The following DEPDC5 variants were observed in gnomAD, a reference collection of about 807,000 sequenced individuals.
DEPDC5 encodes the protein DEP domain containing 5, GATOR1 subcomplex subunit.
DEPDC5 carries 73 observed loss-of-function variants against 217.3 expected under a neutral mutation model. That is an observed-to-expected ratio of 0.34 (90% CI 0.28 to 0.41). The LOEUF (loss-of-function observed/expected upper bound fraction) is 0.41. Ranked by LOEUF, DEPDC5 falls within the 10% of genes least tolerant of loss-of-function variation. The pLI, the probability that DEPDC5 is intolerant of heterozygous loss-of-function variation, is 1.00. For synonymous variants in DEPDC5, 733 were observed against 756.7 expected (o/e 0.97, Z 0.51); for missense variants, 1,675 against 2,070.1 (o/e 0.81, Z 3.70).
At chr22:31,837,261 A>G (rs1387544959) in intron 26 of DEPDC5, 106 bp downstream of exon 26, 3 of 1,241,178 alleles carry the variant, frequency 2.4e-6, no homozygotes, top group Admixed American at 2.5e-5. Flanking sequence ...CAACACATAT[A>G]TTAAAATTGG....
At chr22:31,766,928 T>C (rs767356881) in intron 6 of DEPDC5, among the ~76,000 whole-genome samples, 26 of 152,168 alleles carry the variant, frequency 1.7e-4, no homozygotes, top group South Asian at 4.1e-4. Context: ...AACCGTACTT[T>C]TCAGGTTTTC....
At chr22:31,792,605 CAAAAAAAAAAAAAAAA>C in intron 11 of DEPDC5, 124 bp from the exon 12 acceptor site, 3 of 152,162 alleles carry the variant, frequency 2.0e-5, no homozygotes, top group South Asian at 1.3e-4. Flanking sequence ...GACCTTGTCT[CAAAAAAAAAAAAAAAA>C]AAAAAAAAAA....
Position 31,843,729 on chromosome 22 carries a change from G to A in DEPDC5, c.2718G>A (p.Val906=). 2 of 1,614,028 alleles carry A rather than the reference G, an allele frequency of 1.2e-6. No homozygotes were observed. The highest frequency in any genetic ancestry group is 3.3e-4 in the Middle Eastern group (2 of 6,044). Residue 906 remains valine (V), a synonymous_variant, in exon 29 of 43, where the codon GTG becomes GTA. Transcript: ENST00000651528. ...ACTCAGAGTTCGTCTCCTGCTGGGTGGAATTCTCCCACGAACGGCTGGAGG... is the reference window on the plus strand; with the variant it reads ...ACTCAGAGTTCGTCTCCTGCTGGGTAGAATTCTCCCACGAACGGCTGGAGG... ...HSDSEFVSCW[V]EFSHERLEEY...
intron 40 of DEPDC5, 108 bp from the exon 41 acceptor site, chr22:31,901,634 C>T (rs1054333802): frequency 2.2e-5 from 21 of 935,616 alleles, no homozygotes; most frequent in Non-Finnish European, 3.5e-5. Context: ...AGAGGTTAGG[C>T]TCAAGGGGAC....
At chr22:31,757,287 A>G (rs568015819) in intron 2 of DEPDC5, 154 of 152,280 alleles carry the variant, frequency 1.0e-3, no homozygotes, top group African/African-American at 3.6e-3. Flanking sequence ...GTTCCAGACT[A>G]TAGTACATTA....
At chr22:31,863,447 G>A (rs185947246) in intron 33 of DEPDC5, among the ~76,000 whole-genome samples, 115 of 152,270 alleles carry the variant, frequency 7.6e-4, no homozygotes, top group African/African-American at 2.7e-3. Flanking sequence ...GATTACAGGC[G>A]TGAGCCATTG....
At chr22:31,778,869 A>G (rs2084147909) in intron 8 of DEPDC5, among the ~76,000 whole-genome samples, 1 of 152,142 alleles carries the variant, frequency 6.6e-6, no homozygotes, top group African/African-American at 2.4e-5. Flanking sequence ...TGCTCCCTTC[A>G]GGGGTCTTTT....
chr22:31,862,855 G>T (rs1368504858), intron 33 of DEPDC5, among the ~76,000 whole-genome samples: 3 of 152,184 alleles, frequency 2.0e-5, no homozygotes, highest in Admixed American at 2.0e-4. Context: ...CTGAGTGTGG[G>T]TAGCACACTG....
At chr22:31,865,250 A>G (rs1041882789) in intron 33 of DEPDC5, among the ~76,000 whole-genome samples, 1 of 152,140 alleles carries the variant, frequency 6.6e-6, no homozygotes, top group Admixed American at 6.5e-5. Context: ...CAGCACTTTG[A>G]GAGGTGGAGG....
At chr22:31,885,459 C>T (rs1168232449) in intron 38 of DEPDC5, among the ~76,000 whole-genome samples, 1 of 152,238 alleles carries the variant, frequency 6.6e-6, no homozygotes, top group African/African-American at 2.4e-5. Flanking sequence ...GGCGCGGTGG[C>T]TCACGCCTGT....
chr22:31,870,943 G>A (rs1342975672), intron 34 of DEPDC5, among the ~76,000 whole-genome samples, 199 bp downstream of exon 34: 2 of 152,238 alleles, frequency 1.3e-5, no homozygotes, highest in Non-Finnish European at 2.9e-5. Context: ...TCACAGGATA[G>A]CTAAGAGGTT....
At chr22:31,844,370 G>A (rs2091588631) in intron 29 of DEPDC5, among the ~76,000 whole-genome samples, 1 of 152,084 alleles carries the variant, frequency 6.6e-6, no homozygotes, top group South Asian at 2.1e-4. Context: ...CCCTAGCCTG[G>A]GCAACACAGC....
At chr22:31,845,352 G>T (rs1015150501) in intron 30 of DEPDC5, 115 bp downstream of exon 30, 9 of 1,341,462 alleles carry the variant, frequency 6.7e-6, no homozygotes, top group Admixed American at 2.3e-5. Flanking sequence ...GCTGCCCAGT[G>T]TTTACCTTAA....
chr22:31,871,183 G>A (rs1238741897), intron 34 of DEPDC5, among the ~76,000 whole-genome samples: 2 of 152,210 alleles, frequency 1.3e-5, no homozygotes, highest in Non-Finnish European at 1.5e-5. Context: ...GAAGCTGTGT[G>A]TACTTCATTT....
At chr22:31,794,605 C>T (rs1601897576) in intron 12 of DEPDC5, among the ~76,000 whole-genome samples, 1 of 152,144 alleles carries the variant, frequency 6.6e-6, no homozygotes. Flanking sequence ...ACAAAATAGG[C>T]CAGGCGTGGT....
Position 31,766,648 on chromosome 22 carries a change from T to A in DEPDC5, c.343T>A (p.Trp115Arg). 1 of 1,613,768 alleles carries A rather than the reference T, an allele frequency of 6.2e-7. No individual in the cohort carries two copies. Among genetic ancestry groups the A allele is most frequent in the Non-Finnish European group, 8.5e-7 (1 of 1,179,926 alleles). The part of the protein sequence containing the change: ...KDQYIGRGDM[W>R]RLKKSLVSTC... The stretch of plus-strand genomic sequence containing the variant: ...TCAGTATATTGGCCGTGGGGATATG[T>A]GGCGACTAAAGAAAAGTTTGGTAAG... The change falls in exon 6 of 43, where the codon TGG becomes AGG. Residue 115 changes from tryptophan (W) to arginine (R), a missense_variant. Transcript: ENST00000651528.
intron 13 of DEPDC5, among the ~76,000 whole-genome samples, 184 bp from the exon 14 acceptor site, chr22:31,798,398 G>A (rs1297356513): frequency 6.6e-6 from 1 of 152,114 alleles, no homozygotes; most frequent in Admixed American, 6.6e-5. Context: ...TGCGCCTGTA[G>A]TCCCAGCTAC....
rs1455599258 is a variant in DEPDC5 at position 31,766,724 on chromosome 22, C to T, written c.363+56C>T. The T allele has an allele frequency of 2.0e-6, 3 of 1,471,914 alleles. No individual in the cohort carries two copies. The African/African-American group carries it at 4.2e-5, about 21-fold the overall frequency. The allele number at this position is 1,471,914 out of a possible 1,614,324, so 91.2% of individuals were successfully genotyped here. The stretch of plus-strand genomic sequence containing the variant: ...ACTTTTTCCATTATGTGAATAATCC[C>T]TGTTTATTATGGGAGAAGAATATAA... On this transcript the variant is annotated intron_variant, in intron 6 of 42. Coordinates refer to ENST00000651528, the MANE Select transcript of DEPDC5 (RefSeq NM_001242896.3).
At chr22:31,826,626 C>A (rs773699520) in intron 24 of DEPDC5, 5 of 326,824 alleles carry the variant, frequency 1.5e-5, no homozygotes, top group Non-Finnish European at 2.4e-5. Context: ...CCCATGCCCT[C>A]CCGGGGTGTG....
Sources: allele counts gnomAD v4.1 joint callset (sites outside exome capture counted in the v4.1 genomes callset), GRCh38; gene constraint gnomAD v4.1.1; transcripts MANE v1.5; gene names NCBI Gene and HGNC (gene_info 2026-07-23, HGNC 2026-07-21).